CELF2: variants seen among roughly 807,000 people sequenced by gnomAD.
CELF2 encodes CUG triplet repeat RNA-binding protein 2.
In CELF2, 8 loss-of-function variants were observed where a neutral mutation model predicts 62.6. The ratio of observed to expected loss-of-function variants is 0.13; its 90% CI spans 0.07 to 0.23. The LOEUF (loss-of-function observed/expected upper bound fraction) is 0.23. Among genes scored for constraint, CELF2 ranks in the 10% least tolerant of loss-of-function variants. The pLI is 1.00. For missense variants in CELF2, 333 were observed against 671.0 expected, an observed-to-expected ratio of 0.50 and a Z score of 5.56; for synonymous variants, 258 against 250.0, an observed-to-expected ratio of 1.03 and a Z score of -0.30.
intron 1 of CELF2, among the ~76,000 whole-genome samples, chr10:10,884,983 C>A (rs2133776232): frequency 6.6e-6 from 1 of 152,294 alleles, no homozygotes; most frequent in South Asian, 2.1e-4. Flanking sequence ...GTGGCTCATG[C>A]CTGTAATCCC....
At chr10:11,114,231 A>G (rs139246727) in intron 1 of CELF2, among the ~76,000 whole-genome samples, 142 of 152,342 alleles carry the variant, frequency 9.3e-4, no homozygotes, top group African/African-American at 3.0e-3. Context: ...AGTAAAAACA[A>G]TGAAATGAGT....
the CELF2 span, among the ~76,000 whole-genome samples, chr10:10,755,016 C>T: frequency 6.6e-6 from 1 of 152,138 alleles, no homozygotes; most frequent in African/African-American, 2.4e-5. Context: ...TCTTCACTGG[C>T]TTCCAAGATG....
chr10:10,714,368 T>C, the CELF2 span, among the ~76,000 whole-genome samples: 1 of 152,196 alleles, frequency 6.6e-6, no homozygotes, highest in African/African-American at 2.4e-5. Flanking sequence ...TTACTAGTAT[T>C]GACCTGGAAT....
the CELF2 span, among the ~76,000 whole-genome samples, chr10:10,505,745 A>T: frequency 6.6e-6 from 1 of 152,190 alleles, no homozygotes; most frequent in African/African-American, 2.4e-5. Flanking sequence ...TTAACTGTTA[A>T]AACACTACCT....
At chr10:10,534,960 C>T in the CELF2 span, among the ~76,000 whole-genome samples, 3 of 152,138 alleles carry the variant, frequency 2.0e-5, no homozygotes, top group Non-Finnish European at 4.4e-5. Flanking sequence ...ATTAATACCA[C>T]ATAACTTTAC....
the CELF2 span, among the ~76,000 whole-genome samples, chr10:10,640,515 G>A: frequency 6.6e-6 from 1 of 152,210 alleles, no homozygotes; most frequent in South Asian, 2.1e-4. Flanking sequence ...CCCTTCCTTT[G>A]GAATCTTTAT....
At chr10:10,614,193 G>C in the CELF2 span, among the ~76,000 whole-genome samples, 1 of 151,548 alleles carries the variant, frequency 6.6e-6, no homozygotes, top group African/African-American at 2.4e-5. Flanking sequence ...AGGTTGATTA[G>C]GTTGACCAGA....
chr10:10,798,778 T>C, exon 1 of CELF2: 1 of 398,824 alleles, frequency 2.5e-6, no homozygotes, highest in Non-Finnish European at 4.4e-6. Flanking sequence ...GTTTCCTTGG[T>C]CTCTGACTTG....
chr10:10,669,789 A>AAT, the CELF2 span, among the ~76,000 whole-genome samples: 2 of 152,072 alleles, frequency 1.3e-5, no homozygotes, highest in African/African-American at 4.8e-5. Flanking sequence ...GTCCCTCTGA[A>AAT]TCCTGGAGAA....
At chr10:10,723,397 G>A in the CELF2 span, among the ~76,000 whole-genome samples, 4 of 152,214 alleles carry the variant, frequency 2.6e-5, no homozygotes, top group African/African-American at 9.6e-5. Context: ...TAAAACAGAT[G>A]CATCAACAGA....
At chr10:10,501,859 G>T in the CELF2 span, among the ~76,000 whole-genome samples, 4 of 152,170 alleles carry the variant, frequency 2.6e-5, no homozygotes, top group South Asian at 8.3e-4. Flanking sequence ...ATATTGGAGT[G>T]AAAGCATTCA....
the CELF2 span, among the ~76,000 whole-genome samples, chr10:10,777,512 C>A: frequency 6.6e-6 from 1 of 152,152 alleles, no homozygotes; most frequent in Non-Finnish European, 1.5e-5. Flanking sequence ...GTCCAGCCTT[C>A]GCGACATCTT....
the CELF2 span, among the ~76,000 whole-genome samples, chr10:10,792,747 C>T: frequency 6.6e-6 from 1 of 152,180 alleles, no homozygotes; most frequent in East Asian, 1.9e-4. Context: ...AAGAACATGA[C>T]ACAGCTTTGA....
intron 2 of CELF2, among the ~76,000 whole-genome samples, chr10:11,170,548 A>C (rs1483676943): frequency 6.6e-6 from 1 of 151,992 alleles, no homozygotes; most frequent in East Asian, 1.9e-4. Flanking sequence ...TAGAGAACCC[A>C]GAGTTGGAGA....
upstream of CELF2, chr10:10,797,053 TG>T: frequency 4.1e-6 from 1 of 243,996 alleles, no homozygotes. Context: ...CACGGGTCCA[TG>T]GAGAACAGGC....
At chr10:10,759,089 T>C in the CELF2 span, among the ~76,000 whole-genome samples, 1 of 152,188 alleles carries the variant, frequency 6.6e-6, no homozygotes, top group African/African-American at 2.4e-5. Context: ...AATGATTGCT[T>C]TGTAACACGG....
chr10:11,161,008 A>C (rs1025581905), intron 1 of CELF2, among the ~76,000 whole-genome samples: 1 of 152,236 alleles, frequency 6.6e-6, no homozygotes, highest in African/African-American at 2.4e-5. Flanking sequence ...GTTGTCCTAA[A>C]ACTAGTAAAA....
the CELF2 span, among the ~76,000 whole-genome samples, chr10:10,649,070 C>T: frequency 9.9e-5 from 15 of 152,248 alleles, 1 homozygote; most frequent in African/African-American, 3.4e-4. Flanking sequence ...ACTGATTTCC[C>T]ATCTATCCCC....
chr10:11,005,431 T>C lies in CELF2; in HGVS notation c.44T>C (p.Leu15Pro), dbSNP rs1417078354. ...GCTGTTACTATGAGAAATGAAGAGCTGCTTTTAAGGTATGTTGTTGTGTCC... is the reference window on the plus strand; with the variant it reads ...GCTGTTACTATGAGAAATGAAGAGCCGCTTTTAAGGTATGTTGTTGTGTCC... The change falls in exon 1 of 13, where the codon CTG (leucine) becomes CCG (proline). Residue 15 changes from leucine to proline, a missense_variant. Transcript: ENST00000416382. The surrounding 1 kb of genome is among the most constrained non-coding windows in gnomAD (Gnocchi z 4.3). 2.5e-6 allele frequency: 4 copies of C among 1,613,808 alleles called. No homozygotes were observed. In the African/African-American group the frequency reaches 5.3e-5, roughly 22 times the overall value.
Sources: gnomAD v4.1 joint callset for allele counts (sites outside exome capture counted in the v4.1 genomes callset) on GRCh38, gnomAD v4.1.1 for gene constraint, Gnocchi (gnomAD v3.1) non-coding constraint, MANE v1.5 for transcripts, NCBI Gene and HGNC (gene_info 2026-07-23, HGNC 2026-07-21) for gene names.